The following FUT8 variants were observed in gnomAD, a reference collection of about 807,000 sequenced individuals.
FUT8 encodes alpha-(1,6)-fucosyltransferase.
FUT8 carries 29 observed loss-of-function variants against 71.3 expected under a neutral mutation model. The observed-to-expected ratio is 0.41, with a 90% CI of 0.30 to 0.55. The LOEUF (loss-of-function observed/expected upper bound fraction) is 0.55. Ranked by LOEUF, FUT8 falls within the 20% of genes least tolerant of loss-of-function variation. The pLI is 0.34. For synonymous variants in FUT8, 254 were observed against 239.3 expected (o/e 1.06, Z -0.57); for missense variants, 544 against 702.1 (o/e 0.77, Z 2.55).
At chr14:65,665,606 C>A (rs982724789) in intron 6 of FUT8, among the ~76,000 whole-genome samples, 7 of 152,136 alleles carry the variant, frequency 4.6e-5, no homozygotes, top group African/African-American at 1.7e-4. Flanking sequence ...GAATATAAAT[C>A]ATTCTACCGT....
At chr14:65,692,890 C>T (rs1893755695) in intron 7 of FUT8, among the ~76,000 whole-genome samples, 1 of 150,014 alleles carries the variant, frequency 6.7e-6, no homozygotes, top group Non-Finnish European at 1.5e-5. Context: ...CAGAGGCGCT[C>T]CCCACATCTC....
At chr14:65,568,033 G>A (rs1193239501) in intron 3 of FUT8, among the ~76,000 whole-genome samples, 2 of 151,748 alleles carry the variant, frequency 1.3e-5, no homozygotes, top group Non-Finnish European at 3.0e-5. Context: ...TTTTTGTGGG[G>A]AAGGGTGGTG....
In FUT8 at chr14:65,550,559, A is replaced by G. The variant is rs1885232016; in HGVS notation, c.-227-10778A>G. ...TGCTTTTATACCATCATAAAGTTGA[A>G]AAATTGTTAAGTTGAGCCATTGTTA... On this transcript the variant is annotated intron_variant, in intron 2 of 10. Coordinates refer to ENST00000673929, the MANE Select transcript of FUT8 (RefSeq NM_001371533.1). This position sits in a 1 kb window ranked among gnomAD's most constrained non-coding sequence, Gnocchi z 4.5. Among the ~76,000 whole-genome samples, 1 of 152,196 alleles carries G rather than the reference A, an allele frequency of 6.6e-6. No individual in the cohort carries two copies. Among genetic ancestry groups the G allele is most frequent in the South Asian group, 2.1e-4 (1 of 4,826 alleles).
chr14:65,404,363 G>A, the FUT8 span, among the ~76,000 whole-genome samples: 1 of 150,740 alleles, frequency 6.6e-6, no homozygotes, highest in African/African-American at 2.4e-5. Flanking sequence ...TAGTAGAGAT[G>A]GGGTTTTGCC....
At chr14:65,712,233 C>G (rs898450396) in intron 7 of FUT8, among the ~76,000 whole-genome samples, 2 of 152,102 alleles carry the variant, frequency 1.3e-5, no homozygotes, top group Non-Finnish European at 2.9e-5. Flanking sequence ...AAACTCGGTG[C>G]TGGCTATCAC....
intron 2 of FUT8, among the ~76,000 whole-genome samples, chr14:65,523,914 C>T (rs565324153): frequency 3.0e-4 from 46 of 152,098 alleles, no homozygotes; most frequent in South Asian, 2.1e-3. Context: ...AGGGCTCTGT[C>T]CTGTTCCATT....
chr14:65,499,456 T>G (rs186840504), intron 2 of FUT8, among the ~76,000 whole-genome samples: 1 of 152,222 alleles, frequency 6.6e-6, no homozygotes, highest in African/African-American at 2.4e-5. Context: ...AATATCTTAT[T>G]TTGCCATAAC....
Position 65,669,110 on chromosome 14 carries a change from C to A in FUT8, c.598-133C>A. On this transcript the variant is annotated intron_variant, in intron 6 of 10. Coordinates refer to ENST00000673929, the MANE Select transcript of FUT8 (RefSeq NM_001371533.1). This position sits in a 1 kb window ranked among gnomAD's most constrained non-coding sequence, Gnocchi z 4.5. Reference sequence around the variant, plus strand: ...TGATTACTTGGGGTGTATACCAAACCCCACGACACACAATTTATCTATAGA... The same window carrying A: ...TGATTACTTGGGGTGTATACCAAACACCACGACACACAATTTATCTATAGA... The A allele has an allele frequency of 1.5e-6, 1 of 658,700 alleles. No individual in the cohort carries two copies. Among genetic ancestry groups the A allele is most frequent in the Non-Finnish European group, 2.6e-6 (1 of 389,344 alleles). The allele number at this position is 658,700 out of a possible 1,614,324, so 40.8% of individuals were successfully genotyped here.
At chr14:65,443,500 A>G (rs2065693253) in intron 1 of FUT8, among the ~76,000 whole-genome samples, 1 of 151,752 alleles carries the variant, frequency 6.6e-6, no homozygotes, top group Non-Finnish European at 1.5e-5. Flanking sequence ...CAGGAGGATT[A>G]CTTGAGGCCA....
intron 2 of FUT8, among the ~76,000 whole-genome samples, chr14:65,528,521 C>G (rs959669244): frequency 1.1e-4 from 16 of 152,212 alleles, no homozygotes; most frequent in African/African-American, 3.6e-4. Context: ...CCTCACCCTA[C>G]TTCAGCTCAC....
At chr14:65,601,702 T>C (rs1888294955) in intron 3 of FUT8, among the ~76,000 whole-genome samples, 1 of 152,194 alleles carries the variant, frequency 6.6e-6, no homozygotes, top group Non-Finnish European at 1.5e-5. Context: ...ATTTTTACAG[T>C]AATATTCTAA....
At chr14:65,680,059 G>T (rs1237663391) in intron 7 of FUT8, among the ~76,000 whole-genome samples, 1 of 152,150 alleles carries the variant, frequency 6.6e-6, no homozygotes, top group Non-Finnish European at 1.5e-5. Flanking sequence ...GTGAGATAGA[G>T]CCTGAAAGAT....
chr14:65,412,295 C>G (rs1172741618), upstream of FUT8: 6 of 456,604 alleles, frequency 1.3e-5, no homozygotes, highest in Admixed American at 1.4e-4. Context: ...AGCGCGCACC[C>G]CTAAAAGTAG....
chr14:65,600,157 C>A (rs1034858887), intron 3 of FUT8, among the ~76,000 whole-genome samples: 4 of 152,192 alleles, frequency 2.6e-5, no homozygotes, highest in African/African-American at 4.8e-5. Context: ...TTTAAAGATA[C>A]TCATCTCTTA....
At chr14:65,558,508 AGT>A (rs1885723499) in intron 2 of FUT8, among the ~76,000 whole-genome samples, 2 of 152,168 alleles carry the variant, frequency 1.3e-5, no homozygotes. Flanking sequence ...TGCTGTCTTA[AGT>A]AGGGCATAAA....
intron 7 of FUT8, among the ~76,000 whole-genome samples, chr14:65,717,088 G>T (rs186760634): frequency 0.016 from 2,050 of 130,786 alleles, 81 homozygotes; most frequent in African/African-American, 0.058. Context: ...CCGGGCAGAG[G>T]CGTTCCCCAC....
At chr14:65,589,863 A>G (rs754187020) in intron 3 of FUT8, among the ~76,000 whole-genome samples, 9 of 152,190 alleles carry the variant, frequency 5.9e-5, no homozygotes, top group Non-Finnish European at 1.2e-4. Flanking sequence ...TGACACAACA[A>G]GAGATTTTCA....
chr14:65,685,845 A>T (rs1365503865), intron 7 of FUT8, among the ~76,000 whole-genome samples: 2 of 152,176 alleles, frequency 1.3e-5, no homozygotes, highest in Non-Finnish European at 2.9e-5. Flanking sequence ...GCATATAATG[A>T]GCAGTGAGGA....
At chr14:65,658,213 TA>T (rs1197189537) in intron 6 of FUT8, among the ~76,000 whole-genome samples, 1 of 152,122 alleles carries the variant, frequency 6.6e-6, no homozygotes, top group Non-Finnish European at 1.5e-5. Context: ...TGAAAAATGT[TA>T]AAAAATCATT....
Sources: allele counts gnomAD v4.1 joint callset (sites outside exome capture counted in the v4.1 genomes callset), GRCh38; gene constraint gnomAD v4.1.1; non-coding constraint Gnocchi (gnomAD v3.1); transcripts MANE v1.5; gene names NCBI Gene and HGNC (gene_info 2026-07-23, HGNC 2026-07-21).